NME7: variants seen among roughly 807,000 people sequenced by gnomAD.
NME7 encodes the protein NME/NM23 family member 7.
Under a neutral mutation model 49.1 loss-of-function variants are expected in NME7, and 41 were observed. The ratio of observed to expected loss-of-function variants is 0.83; its 90% CI spans 0.65 to 1.08. NME7 has a LOEUF of 1.08. Among genes scored for constraint, NME7 ranks in the 50% least tolerant of loss-of-function variants. The pLI is 0.00. For synonymous variants in NME7, 139 were observed against 150.6 expected, an observed-to-expected ratio of 0.92 and a Z score of 0.56; for missense variants, 423 against 463.4, an observed-to-expected ratio of 0.91 and a Z score of 0.80.
At chr1:169,346,151 G>GC in intron 1 of NME7, among the ~76,000 whole-genome samples, 1 of 151,744 alleles carries the variant, frequency 6.6e-6, no homozygotes, top group Non-Finnish European at 1.5e-5. Context: ...TTCCATCTTT[G>GC]CCCCCTACAG....
At chr1:169,133,781 A>C (rs1002305398) in intron 11 of NME7, among the ~76,000 whole-genome samples, 2 of 152,212 alleles carry the variant, frequency 1.3e-5, no homozygotes, top group African/African-American at 2.4e-5. Flanking sequence ...TGGAAATAGA[A>C]GTTTGTCTTG....
chr1:169,295,130 G>A (rs1342399328), intron 6 of NME7, among the ~76,000 whole-genome samples: 1 of 152,086 alleles, frequency 6.6e-6, no homozygotes. Context: ...ACCCTCACGA[G>A]ATGCAGATGC....
At position 169,132,661 on chromosome 1, in the gene NME7, C is replaced by T; in HGVS notation, c.*124G>A. 3.5e-6 allele frequency: 3 copies of T among 848,628 alleles called. No individual in the cohort carries two copies. The highest frequency in any genetic ancestry group is 5.6e-6 in the Non-Finnish European group (3 of 534,734). 52.6% of individuals were successfully genotyped at this position (848,628 alleles called of 1,614,324 possible). On this transcript the variant is annotated 3_prime_UTR_variant, in exon 12 of 12. Coordinates refer to ENST00000367811, the MANE Select transcript of NME7 (RefSeq NM_013330.5). ...TGTAATAATTGCCAGGAGTACAGTG[C>T]TCTTGTTGATCTTGTATTCAGTCAG...
intron 7 of NME7, among the ~76,000 whole-genome samples, chr1:169,280,546 A>C (rs1321702640): frequency 6.8e-6 from 1 of 147,606 alleles, no homozygotes; most frequent in Non-Finnish European, 1.5e-5. Context: ...CTATGTCCTG[A>C]ATGGTATTGC....
chr1:169,139,923 T>C (rs1658540336), intron 11 of NME7, among the ~76,000 whole-genome samples: 1 of 152,226 alleles, frequency 6.6e-6, no homozygotes, highest in Non-Finnish European at 1.5e-5. Context: ...ACTATTTTTC[T>C]TCTTTTGCCA....
chr1:169,193,222 TGTC>T (rs1660284805), intron 10 of NME7, among the ~76,000 whole-genome samples: 9 of 144,612 alleles, frequency 6.2e-5, no homozygotes, highest in African/African-American at 2.6e-4. Context: ...TTTGCTACAG[TGTC>T]ACTAAACAAA....
At chr1:169,314,947 A>G (rs912442017) in intron 3 of NME7, among the ~76,000 whole-genome samples, 3 of 152,192 alleles carry the variant, frequency 2.0e-5, no homozygotes, top group African/African-American at 7.2e-5. Flanking sequence ...AGGCATTGCT[A>G]GAGATGAAGA....
intron 1 of NME7, among the ~76,000 whole-genome samples, chr1:169,327,151 T>C (rs1008557460): frequency 2.6e-5 from 4 of 152,178 alleles, no homozygotes; most frequent in African/African-American, 9.7e-5. Flanking sequence ...AGAGAGAAAC[T>C]AACACTTTAG....
intron 7 of NME7, chr1:169,283,779 T>A (rs1466313551): frequency 6.6e-6 from 1 of 152,184 alleles, no homozygotes; most frequent in Admixed American, 6.5e-5. Context: ...TGGCCCCCAC[T>A]CTCTTCTGGC....
intron 9 of NME7, among the ~76,000 whole-genome samples, chr1:169,234,508 T>C (rs1244026159): frequency 6.6e-6 from 1 of 151,480 alleles, no homozygotes; most frequent in Non-Finnish European, 1.5e-5. Flanking sequence ...AAAACAACAA[T>C]AATAGCAGGT....
At chr1:169,295,760 C>T (rs2101903650) in intron 6 of NME7, among the ~76,000 whole-genome samples, 1 of 152,262 alleles carries the variant, frequency 6.6e-6, no homozygotes, top group South Asian at 2.1e-4. Context: ...ATAGCAATCA[C>T]ACACCACATT....
At chr1:169,283,301 A>C (rs1166778175) in intron 7 of NME7, among the ~76,000 whole-genome samples, 1 of 152,024 alleles carries the variant, frequency 6.6e-6, no homozygotes, top group Non-Finnish European at 1.5e-5. Context: ...TTGCTTGGTA[A>C]ATATTCCTCC....
chr1:169,196,814 C>T (rs187932600), intron 10 of NME7, among the ~76,000 whole-genome samples: 89 of 152,242 alleles, frequency 5.8e-4, no homozygotes, highest in Non-Finnish European at 1.1e-3. Flanking sequence ...ACTGAGCATA[C>T]GGCTACGCAG....
chr1:169,280,497 T>C (rs781435260), intron 7 of NME7, among the ~76,000 whole-genome samples: 3 of 149,038 alleles, frequency 2.0e-5, no homozygotes, highest in Non-Finnish European at 4.4e-5. Flanking sequence ...TTTGTTGCCA[T>C]TGCTTTTGGT....
intron 7 of NME7, chr1:169,284,163 C>A (rs968873811): frequency 6.6e-6 from 1 of 152,024 alleles, no homozygotes; most frequent in Non-Finnish European, 1.5e-5. Context: ...TCTTTTTTCT[C>A]TAATCTGGTC....
chr1:169,297,165 G>T (rs1650742729), intron 6 of NME7, among the ~76,000 whole-genome samples: 1 of 151,960 alleles, frequency 6.6e-6, no homozygotes, highest in Non-Finnish European at 1.5e-5. Flanking sequence ...GTAGAAACAG[G>T]GTTTTACCAT....
chr1:169,157,753 G>T (rs1224750120), intron 11 of NME7, among the ~76,000 whole-genome samples: 1 of 152,322 alleles, frequency 6.6e-6, no homozygotes, highest in African/African-American at 2.4e-5. Flanking sequence ...CCAACTGTCA[G>T]TTAAGTCCTG....
intron 11 of NME7, among the ~76,000 whole-genome samples, chr1:169,159,629 T>C (rs930153867): frequency 2.0e-5 from 3 of 152,186 alleles, no homozygotes; most frequent in Admixed American, 6.5e-5. Context: ...CCCTTGAAAC[T>C]TGAATCTCTT....
chr1:169,181,364 T>TACACAC (rs58453647), intron 10 of NME7, among the ~76,000 whole-genome samples: 225 of 91,564 alleles, frequency 2.5e-3, no homozygotes, highest in Admixed American at 6.1e-3. Context: ...CTCAAATTCC[T>TACACAC]ACACACACAC....
Sources: allele counts gnomAD v4.1 joint callset (sites outside exome capture counted in the v4.1 genomes callset), GRCh38; gene constraint gnomAD v4.1.1; transcripts MANE v1.5; gene names NCBI Gene and HGNC (gene_info 2026-07-23, HGNC 2026-07-21).